The following DENND1A variants were observed in gnomAD, a reference collection of about 807,000 sequenced individuals.
DENND1A encodes DENN domain containing 1A.
DENND1A carries 51 observed loss-of-function variants against 113.7 expected under a neutral mutation model. That is an observed-to-expected ratio of 0.45 (90% CI 0.36 to 0.57). The LOEUF (loss-of-function observed/expected upper bound fraction) is 0.57. Ranked by LOEUF, DENND1A falls within the 20% of genes least tolerant of loss-of-function variation. DENND1A has a pLI of 0.00. For missense variants in DENND1A, 1,258 were observed against 1,395.9 expected, an observed-to-expected ratio of 0.90 and a Z score of 1.57; for synonymous variants, 565 against 570.8, an observed-to-expected ratio of 0.99 and a Z score of 0.14.
chr9:123,521,666 G>A (rs2054404569), intron 13 of DENND1A, among the ~76,000 whole-genome samples: 1 of 152,190 alleles, frequency 6.6e-6, no homozygotes. Flanking sequence ...TGTCACCAAA[G>A]GCTGGCCTCC....
intron 8 of DENND1A, among the ~76,000 whole-genome samples, chr9:123,653,070 T>C (rs1201971628): frequency 1.3e-5 from 2 of 152,206 alleles, no homozygotes; most frequent in Non-Finnish European, 2.9e-5. Flanking sequence ...TTGCCAGGCG[T>C]TGCAGTTTAT....
intron 2 of DENND1A, among the ~76,000 whole-genome samples, chr9:123,823,104 A>G (rs1472710029): frequency 6.6e-6 from 1 of 152,238 alleles, no homozygotes; most frequent in African/African-American, 2.4e-5. Flanking sequence ...TAAACTCGGG[A>G]ACAACTGAGC....
At position 123,531,018 on chromosome 9, in the gene DENND1A, G is replaced by A. The variant is rs571461759; in HGVS notation, c.993+26552C>T. The stretch of plus-strand genomic sequence containing the variant: ...AAACTGCAGATAAGTGGAGACTACT[G>A]TATATCAAAGTCTTTGTATTGTTAG... On this transcript the variant is annotated intron_variant, in intron 13 of 23. Transcript: ENST00000394215. 2.0e-5 allele frequency among the ~76,000 whole-genome samples: 3 copies of A among 152,204 alleles called. No homozygotes were observed. The East Asian group carries it at 5.8e-4, about 29-fold the overall frequency.
In DENND1A at chr9:123,786,200, C is replaced by G. The variant is rs187080418; in HGVS notation, c.132+6387G>C. Among the ~76,000 whole-genome samples, 919 of 150,414 alleles carry G rather than the reference C, an allele frequency of 6.1e-3. 4 individuals carry two copies. The highest frequency in any genetic ancestry group is 9.9e-3 in the Non-Finnish European group (671 of 67,670). ...TTGTACTCCAGTCTAGGCAACAGAG[C>G]AAGACTGTCTCAAAAAAAAAAAAGA... On this transcript the variant is annotated intron_variant, in intron 3 of 23. Coordinates refer to ENST00000394215, the MANE Select transcript of DENND1A (RefSeq NM_001352964.2).
chr9:123,711,479 A>AT (rs1304194980), intron 5 of DENND1A, among the ~76,000 whole-genome samples: 2,611 of 101,400 alleles, frequency 0.026, 146 homozygotes, highest in Admixed American at 0.038. Context: ...ATAATAATAA[A>AT]TTAAAAAATA....
chr9:123,602,066 G>A (rs1192384291), intron 11 of DENND1A, among the ~76,000 whole-genome samples: 1 of 152,194 alleles, frequency 6.6e-6, no homozygotes, highest in African/African-American at 2.4e-5. Context: ...GCAGCTGAAG[G>A]CCTGGGTACA....
At chr9:123,504,720 G>A (rs905809523) in intron 13 of DENND1A, among the ~76,000 whole-genome samples, 5 of 152,168 alleles carry the variant, frequency 3.3e-5, no homozygotes, top group South Asian at 2.1e-4. Context: ...GAAGAGAGGC[G>A]CTCAGGCAGG....
chr9:123,778,260 G>C (rs2131784115), intron 3 of DENND1A, among the ~76,000 whole-genome samples: 1 of 152,252 alleles, frequency 6.6e-6, no homozygotes, highest in African/African-American at 2.4e-5. Flanking sequence ...TTTACCTGAG[G>C]CTGCCTCGGA....
At chr9:123,427,738 G>A (rs1353683776) in intron 19 of DENND1A, among the ~76,000 whole-genome samples, 1 of 152,130 alleles carries the variant, frequency 6.6e-6, no homozygotes, top group Admixed American at 6.5e-5. Flanking sequence ...TCCCTTTCAG[G>A]AATGACCCCT....
chr9:123,710,370 G>T (rs2066495815), intron 5 of DENND1A, among the ~76,000 whole-genome samples: 1 of 152,142 alleles, frequency 6.6e-6, no homozygotes, highest in Non-Finnish European at 1.5e-5. Context: ...TTTAGTTACA[G>T]GCAACAATCA....
intron 1 of DENND1A, among the ~76,000 whole-genome samples, chr9:123,882,464 C>CT (rs57123341): frequency 6.6e-6 from 1 of 151,814 alleles, no homozygotes; most frequent in Non-Finnish European, 1.5e-5. Context: ...CCTCGACTCC[C>CT]GTTTCATATG....
intron 9 of DENND1A, among the ~76,000 whole-genome samples, chr9:123,633,523 C>G (rs867865052): frequency 2.6e-5 from 4 of 152,084 alleles, no homozygotes; most frequent in South Asian, 4.2e-4. Flanking sequence ...GCCTGTGATC[C>G]CAGCTCTTTG....
At chr9:123,678,087 C>G (rs1176333614) in intron 5 of DENND1A, among the ~76,000 whole-genome samples, 1 of 152,186 alleles carries the variant, frequency 6.6e-6, no homozygotes, top group African/African-American at 2.4e-5. Context: ...CTAATTCTCT[C>G]TTTTCTGTGC....
At chr9:123,742,048 C>T (rs1218411738) in intron 5 of DENND1A, among the ~76,000 whole-genome samples, 1 of 152,228 alleles carries the variant, frequency 6.6e-6, no homozygotes, top group African/African-American at 2.4e-5. Flanking sequence ...CTCTAGAGTT[C>T]AGTCTCCTCT....
At chr9:123,569,992 T>C (rs556256620) in intron 12 of DENND1A, among the ~76,000 whole-genome samples, 1 of 152,288 alleles carries the variant, frequency 6.6e-6, no homozygotes, top group South Asian at 2.1e-4. Context: ...CTCCTGTCTA[T>C]TTGGGTCTCA....
intron 19 of DENND1A, among the ~76,000 whole-genome samples, chr9:123,412,461 C>G (rs1274978910): frequency 6.6e-6 from 1 of 152,232 alleles, no homozygotes; most frequent in Non-Finnish European, 1.5e-5. Context: ...CCTGCCCCCA[C>G]GGGACCTCTT....
chr9:123,706,748 G>A (rs2066231718), intron 5 of DENND1A, among the ~76,000 whole-genome samples: 1 of 134,076 alleles, frequency 7.5e-6, no homozygotes, highest in African/African-American at 2.8e-5. Flanking sequence ...TCCAGTCTGG[G>A]TGACAGAGCG....
At chr9:123,843,880 A>T (rs1379268871) in intron 2 of DENND1A, among the ~76,000 whole-genome samples, 2 of 152,184 alleles carry the variant, frequency 1.3e-5, no homozygotes, top group African/African-American at 4.8e-5. Context: ...CTTACGATAG[A>T]ATTTTTAAAA....
intron 1 of DENND1A, among the ~76,000 whole-genome samples, chr9:123,885,674 GA>G (rs1848962140): frequency 6.6e-6 from 1 of 152,230 alleles, no homozygotes; most frequent in East Asian, 1.9e-4. Context: ...TTGCTTCTGG[GA>G]GAATGAAGGC....
Sources: gnomAD v4.1 joint callset for allele counts (sites outside exome capture counted in the v4.1 genomes callset) on GRCh38, gnomAD v4.1.1 for gene constraint, MANE v1.5 for transcripts, NCBI Gene and HGNC (gene_info 2026-07-23, HGNC 2026-07-21) for gene names.